CDC5L: variants seen among roughly 807,000 people sequenced by gnomAD.
CDC5L encodes cell division cycle 5 like, also known as cell division cycle 5-like protein.
Under a neutral mutation model 104.1 loss-of-function variants are expected in CDC5L, and 18 were observed. The ratio of observed to expected loss-of-function variants is 0.17; its 90% confidence interval spans 0.12 to 0.26. The LOEUF (loss-of-function observed/expected upper bound fraction) is 0.26, where lower values mean the gene tolerates loss of function less well. Ranked by LOEUF, CDC5L falls within the 10% of genes least tolerant of loss-of-function variation. The probability of loss-of-function intolerance (pLI) is 1.00; values close to 1 mark genes in which losing one functional copy is unlikely to be tolerated. For synonymous variants in CDC5L, 331 were observed against 322.7 expected (o/e 1.03, Z -0.28); for missense variants, 673 against 956.9 (o/e 0.70, Z 3.91).
chr6:44,438,139 T>G (rs773555790), intron 14 of CDC5L, among the ~76,000 whole-genome samples: 10 of 152,106 alleles, frequency 6.6e-5, no homozygotes, highest in Non-Finnish European at 1.2e-4. Context: ...TGAGAGACAG[T>G]GTTTCACTCT....
chr6:44,393,382 A>C, intron 3 of CDC5L, 64 bp from the exon 4 acceptor site: 1 of 1,464,432 alleles, frequency 6.8e-7, no homozygotes, highest in Non-Finnish European at 9.2e-7. Flanking sequence ...AGAACTTGGA[A>C]ATCTGGTAAT....
intron 5 of CDC5L, among the ~76,000 whole-genome samples, chr6:44,401,896 T>C (rs1287681022): frequency 2.1e-5 from 3 of 142,506 alleles, no homozygotes; most frequent in South Asian, 2.4e-4. Context: ...TGAGTGAGAA[T>C]ATGCGGTGTT....
At chr6:44,434,980 T>C (rs1238166892) in intron 14 of CDC5L, among the ~76,000 whole-genome samples, 2 of 152,122 alleles carry the variant, frequency 1.3e-5, no homozygotes, top group African/African-American at 4.8e-5. Flanking sequence ...AAATAATACC[T>C]GTGCTTTGTA....
intron 14 of CDC5L, among the ~76,000 whole-genome samples, chr6:44,430,576 C>CTT (rs547630955): frequency 1.1e-4 from 15 of 136,108 alleles, no homozygotes; most frequent in African/African-American, 1.9e-4. Flanking sequence ...CTTGTGCATT[C>CTT]TTTTTTTTTT....
chr6:44,449,569 ATTG>A lies in CDC5L; in HGVS notation c.*2861_*2863del, dbSNP rs899860310. The A allele has an allele frequency of 6.6e-6, 1 of 152,222 alleles. No individual in the cohort carries two copies. The highest frequency in any genetic ancestry group is 2.4e-5 in the African/African-American group (1 of 41,460). 9.4% of individuals were successfully genotyped at this position (152,222 alleles called of 1,614,324 possible). ...TGGTTGTTAAGGCATTCATTAAGGT[ATTG>A]TTAAAACTTGTGTTAAGCATGTTAA... On this transcript the variant is annotated 3_prime_UTR_variant, in exon 16 of 16. Transcript: ENST00000371477.
chr6:44,437,489 T>C (rs1792991033), intron 14 of CDC5L, among the ~76,000 whole-genome samples: 1 of 152,266 alleles, frequency 6.6e-6, no homozygotes, highest in Non-Finnish European at 1.5e-5. Flanking sequence ...AGTTAATTTT[T>C]GTACAATTTA....
intron 8 of CDC5L, among the ~76,000 whole-genome samples, chr6:44,411,637 A>T (rs55787422): frequency 0.84 from 105,302 of 125,570 alleles, 44,892 homozygotes; most frequent in Non-Finnish European, 0.93. Context: ...AGAGAGAGAG[A>T]GTGTGTGTGT....
chr6:44,449,260 A>G lies in CDC5L; in HGVS notation c.*2549A>G, dbSNP rs1378484160. ...TATGCATTTGCCAGGTAGTGGTGCC[A>G]CTTGAAATGGTGAACAGACACACTG... On this transcript the variant is annotated 3_prime_UTR_variant, in exon 16 of 16. Coordinates refer to ENST00000371477, the MANE Select transcript of CDC5L (RefSeq NM_001253.4). The G allele has an allele frequency of 6.6e-6, 1 of 152,226 alleles. No homozygotes were observed. The highest frequency in any genetic ancestry group is 1.9e-4 in the East Asian group (1 of 5,204). The allele number at this position is 152,226 out of a possible 1,614,324, so 9.4% of individuals were successfully genotyped here.
chr6:44,437,372 T>A (rs951048617), intron 14 of CDC5L, among the ~76,000 whole-genome samples: 7 of 152,370 alleles, frequency 4.6e-5, no homozygotes, highest in African/African-American at 1.7e-4. Flanking sequence ...ATGACAGGCG[T>A]AAGATAACTA....
At position 44,413,060 on chromosome 6, in the gene CDC5L, G is replaced by T. The variant is rs185233231; in HGVS notation, c.1092+4428G>T. 3.2e-3 allele frequency among the ~76,000 whole-genome samples: 480 copies of T among 152,200 alleles called. 3 individuals carry two copies. Among genetic ancestry groups the T allele is most frequent in the African/African-American group, 0.011 (464 of 41,524 alleles). ...GCCTCCCAAAGTGCTGGGATTACAG[G>T]CGTGAGCCACCGCGCCCGGCCCAAT... On this transcript the variant is annotated intron_variant, in intron 8 of 15. Coordinates refer to ENST00000371477, the MANE Select transcript of CDC5L (RefSeq NM_001253.4).
Position 44,443,032 on chromosome 6 carries a change from C to CTCTTTCTTTT in CDC5L, c.2092-2614_2092-2605dup, listed in dbSNP as rs1211552844. On this transcript the variant is annotated intron_variant, in intron 14 of 15. Coordinates refer to ENST00000371477, the MANE Select transcript of CDC5L (RefSeq NM_001253.4). The stretch of plus-strand genomic sequence containing the variant: ...CAGTTTTTTTTTCTCTCTCTTTCTT[C>CTCTTTCTTTT]TCTTTCTTTTTCTTTCTTCTCTCTC... Among the ~76,000 whole-genome samples, 22 of 151,640 alleles carry CTCTTTCTTTT rather than the reference C, an allele frequency of 1.5e-4. 1 individual carries two copies. The Middle Eastern group carries it at 0.01, about 70-fold the overall frequency.
At chr6:44,406,704 C>G (rs924834379) in intron 7 of CDC5L, among the ~76,000 whole-genome samples, 1 of 152,116 alleles carries the variant, frequency 6.6e-6, no homozygotes, top group Non-Finnish European at 1.5e-5. Flanking sequence ...GTCAGGAGTT[C>G]AAGACAGAAG....
chr6:44,408,668 T>A (rs1383361624), intron 8 of CDC5L, 36 bp downstream of exon 8: 1 of 1,475,460 alleles, frequency 6.8e-7, no homozygotes. Context: ...GCTTTTACTT[T>A]GTTTATTGTC....
intron 2 of CDC5L, among the ~76,000 whole-genome samples, chr6:44,391,967 G>A (rs1416336401): frequency 2.6e-5 from 4 of 151,700 alleles, no homozygotes; most frequent in African/African-American, 7.3e-5. Flanking sequence ...CAGCCTGGGC[G>A]ACAGAGTGAG....
intron 5 of CDC5L, among the ~76,000 whole-genome samples, chr6:44,400,318 T>C (rs1031644858): frequency 6.6e-6 from 1 of 152,268 alleles, no homozygotes; most frequent in Non-Finnish European, 1.5e-5. Context: ...GATGATATAC[T>C]GTAGCAATTT....
At position 44,419,526 on chromosome 6, in the gene CDC5L, T is replaced by A. The variant is rs765907562; in HGVS notation, c.1170T>A (p.Ser390Arg). 1 of 1,613,234 alleles carries A rather than the reference T, an allele frequency of 6.2e-7. No individual in the cohort carries two copies. The highest frequency in any genetic ancestry group is 1.1e-5 in the South Asian group (1 of 91,066). The change falls in exon 9 of 16, where the codon AGT (serine) becomes AGA (arginine). Residue 390 changes from serine to arginine, a missense_variant. Around this residue, in one of 4 missense-constraint regions of CDC5L, gnomAD observed 578 missense variants for 737.0 expected, o/e 0.78. Transcript: ENST00000371477. ...KGGLNTPLHE[S>R]DFSGVTPQRQ... ...GACTTAATACCCCATTGCATGAGAG[T>A]GACTTCTCAGGTGTAACTCCACAGC... is the stretch of plus-strand genomic sequence containing the variant.
At chr6:44,439,993 A>G (rs953808637) in intron 14 of CDC5L, among the ~76,000 whole-genome samples, 2 of 152,178 alleles carry the variant, frequency 1.3e-5, no homozygotes, top group Admixed American at 6.5e-5. Flanking sequence ...GAGACATATA[A>G]TCATTGCCAT....
intron 2 of CDC5L, among the ~76,000 whole-genome samples, chr6:44,390,946 ATATT>A (rs968014925): frequency 1.5e-5 from 2 of 134,386 alleles, no homozygotes; most frequent in African/African-American, 5.9e-5. Context: ...AATATGTTAT[ATATT>A]ATATATTAAA....
At chr6:44,401,511 T>C (rs1021943334) in intron 5 of CDC5L, among the ~76,000 whole-genome samples, 1 of 152,084 alleles carries the variant, frequency 6.6e-6, no homozygotes, top group Non-Finnish European at 1.5e-5. Context: ...AAAGCCCTAC[T>C]ACTGGGAGCT....
Sources: allele counts gnomAD v4.1 joint callset (sites outside exome capture counted in the v4.1 genomes callset), GRCh38; gene constraint gnomAD v4.1.1; regional missense constraint gnomAD v4.1.1; transcripts MANE v1.5; gene names NCBI Gene and HGNC (gene_info 2026-07-23, HGNC 2026-07-21).